Variants in OR4C12 observed in about 807,000 individuals in gnomAD.
OR4C12 encodes olfactory receptor family 4 subfamily C member 12.
Under a neutral mutation model 12.3 loss-of-function variants are expected in OR4C12, and 11 were observed. That is an observed-to-expected ratio of 0.89 (90% confidence interval 0.56 to 1.48). The LOEUF is 1.48. Among genes scored for constraint, OR4C12 ranks in the 40% most tolerant of loss-of-function variants. OR4C12 has a pLI of 0.00. For synonymous variants in OR4C12, 138 were observed against 133.2 expected (o/e 1.04, Z -0.25); for missense variants, 414 against 365.8 (o/e 1.13, Z -1.08).
rs1555020336 is a variant in OR4C12 at position 49,982,410 on chromosome 11, AC to A, written c.91del (p.Val31PhefsTer4). 1 of 1,613,754 alleles carries A rather than the reference AC, an allele frequency of 6.2e-7. No homozygotes were observed. The highest frequency in any genetic ancestry group is 1.7e-5 in the Admixed American group (1 of 59,994). ...GCCTGAAAGTGTTATCATGTAAAGA[AC>A]CAAAAATACTACAAACGTGACTTTC... is the stretch of plus-strand genomic sequence containing the variant. Reference protein sequence around the residue: ...MEKVTFVVFLVLYMITLSGNL... With the variant: ...MEKVTFVVFLXLYMITLSGNL... On this transcript the variant is annotated frameshift_variant, in exon 1 of 1. Transcript: ENST00000335238. LOFTEE classifies it high-confidence loss of function.
rs782713156 is a variant in OR4C12 at position 49,981,560 on chromosome 11, C to T, written c.*12G>A. 2 of 1,510,448 alleles carry T rather than the reference C, an allele frequency of 1.3e-6. No individual in the cohort carries two copies. The highest frequency in any genetic ancestry group is 2.3e-5 in the South Asian group (2 of 87,130). The allele number at this position is 1,510,448 out of a possible 1,614,324, so 93.6% of individuals were successfully genotyped here. A position where few individuals can be genotyped will look rare whatever the true frequency, so the allele number is the denominator to read the frequency against. Reference sequence around the variant, plus strand: ...ACCTATTACCTCTATGTTGAGTGCTCAATGGTCTTATTTAATCATTATCTG... The same window carrying T: ...ACCTATTACCTCTATGTTGAGTGCTTAATGGTCTTATTTAATCATTATCTG... On this transcript the variant is annotated 3_prime_UTR_variant, in exon 1 of 1. Transcript: ENST00000335238.
chr11:49,982,479 G>A lies in OR4C12; in HGVS notation c.23C>T (p.Thr8Ile), dbSNP rs774365305. MEKKKNVTEFILIGLTQN... is the reference protein window; with the variant it reads MEKKKNVIEFILIGLTQN... ...TGTAAGACCTATTAAAATGAATTCA[G>A]TCACATTCTTTTTCTTCTCCATCTA... Residue 8 changes from threonine to isoleucine, a missense_variant, in exon 1 of 1, where the codon ACT becomes ATT. Physicochemically the swap from Thr to Ile is moderately conservative, Grantham distance 89. Coordinates refer to ENST00000335238, the MANE Select transcript of OR4C12 (RefSeq NM_001005270.4). The A allele has an allele frequency of 6.2e-7, 1 of 1,605,506 alleles. No homozygotes were observed. The highest frequency in any genetic ancestry group is 2.2e-5 in the East Asian group (1 of 44,824).
At position 49,981,825 on chromosome 11, in the gene OR4C12, T is replaced by G; in HGVS notation, c.677A>C (p.Asn226Thr). Residue 226 changes from asparagine to threonine, a missense_variant, in exon 1 of 1, where the codon AAT becomes ACT. Physicochemically the swap from Asn to Thr is moderately conservative, Grantham distance 65. Coordinates refer to ENST00000335238, the MANE Select transcript of OR4C12 (RefSeq NM_001005270.4). ...YVIILRSLKN[N>T]SLEGRCKALS... ...GGCTTTACACCTCCCCTCCAAGCTA[T>G]TGTTCTTTAAAGATCTCAAGATGAT... 1.9e-6 allele frequency: 3 copies of G among 1,613,844 alleles called. No homozygotes were observed. Among genetic ancestry groups the G allele is most frequent in the Non-Finnish European group, 2.5e-6 (3 of 1,179,862 alleles).
At position 49,981,652 on chromosome 11, in the gene OR4C12, C is replaced by A. The variant is rs1197691219; in HGVS notation, c.850G>T (p.Val284Phe). ...ACCTCAGCATTTCTGAGTGTGTAGA[C>A]CACGGGATTTAACATTGGGACCACC... ...TMVVPMLNPV[V>F]YTLRNAEVKS... The change falls in exon 1 of 1, where the codon GTC (valine) becomes TTC (phenylalanine). Residue 284 changes from valine to phenylalanine, a missense_variant. Physicochemically the swap from Val to Phe is conservative, Grantham distance 50. Transcript: ENST00000335238. 1 of 1,613,278 alleles carries A rather than the reference C, an allele frequency of 6.2e-7. No individual in the cohort carries two copies. The highest frequency in any genetic ancestry group is 8.5e-7 in the Non-Finnish European group (1 of 1,179,756).
Position 49,982,298 on chromosome 11 carries a change from G to A in OR4C12, c.204C>T (p.Asp68=), listed in dbSNP as rs768754956. 1.9e-6 allele frequency: 3 copies of A among 1,613,978 alleles called. No individual in the cohort carries two copies. Among genetic ancestry groups the A allele is most frequent in the Non-Finnish European group, 2.5e-6 (3 of 1,179,874 alleles). The change falls in exon 1 of 1, where the codon GAC becomes GAT. Residue 68 remains aspartate (D), a synonymous_variant. Transcript: ENST00000335238. ...GAGCTGAAGAAGAAGAATAAACTGTGTCTATCAAAGAAAGGTGGGTCAGGA... is the reference window on the plus strand; with the variant it reads ...GAGCTGAAGAAGAAGAATAAACTGTATCTATCAAAGAAAGGTGGGTCAGGA... ...YFFLTHLSLI[D]TVYSSSSAPK...
rs114706080 is a variant in OR4C12 at position 49,981,972 on chromosome 11, C to T, written c.530G>A (p.Cys177Tyr). The T allele has an allele frequency of 1.3e-4, 214 of 1,614,088 alleles. 1 individual carries two copies. The African/African-American group carries it at 2.7e-3, about 21-fold the overall frequency. The change falls in exon 1 of 1, where the codon TGT becomes TAT. Residue 177 changes from cysteine to tyrosine, a missense_variant. Coordinates refer to ENST00000335238, the MANE Select transcript of OR4C12 (RefSeq NM_001005270.4). ...CGPNVIGHFM[C>Y]DLYPLLKLVC... ...AAGTTTTAACAATGGGTACAAGTCACACATGAAGTGGCCTATGACATTGGG... is the reference window on the plus strand; with the variant it reads ...AAGTTTTAACAATGGGTACAAGTCATACATGAAGTGGCCTATGACATTGGG...
rs1218914648 is a variant in OR4C12, at chr11:49,981,878, G to A, written c.624C>T (p.Asn208=). The A allele has an allele frequency of 6.2e-7, 1 of 1,613,914 alleles. No homozygotes were observed. Among genetic ancestry groups the A allele is most frequent in the Non-Finnish European group, 8.5e-7 (1 of 1,179,980 alleles). The change falls in exon 1 of 1, where the codon AAC becomes AAT. Residue 208 remains asparagine, a synonymous_variant. Coordinates refer to ENST00000335238, the MANE Select transcript of OR4C12 (RefSeq NM_001005270.4). ...CATAGGATACCACCAAGATAAGGAA[G>A]TTTAATAAGCAGATAAACCCACTGT... The part of the protein sequence containing the change: ...AVNSGFICLL[N]FLILVVSYVI...
Position 49,981,891 on chromosome 11 carries a change from A to AC in OR4C12, c.610_611insG (p.Ile204SerfsTer24), listed in dbSNP as rs1854146746. ...CAAGATAAGGAAGTTTAATAAGCAGATAAACCCACTGTTCACAGCAACAAA... is the reference window on the plus strand; with the variant it reads ...CAAGATAAGGAAGTTTAATAAGCAGACTAAACCCACTGTTCACAGCAACAAA... On this transcript the variant is annotated frameshift_variant, in exon 1 of 1. Coordinates refer to ENST00000335238, the MANE Select transcript of OR4C12 (RefSeq NM_001005270.4). LOFTEE classifies it high-confidence loss of function. 1.9e-6 allele frequency: 3 copies of AC among 1,614,028 alleles called. No individual in the cohort carries two copies. Among genetic ancestry groups the AC allele is most frequent in the Non-Finnish European group, 1.7e-6 (2 of 1,180,010 alleles).
rs781888469 is a variant in OR4C12, at chr11:49,981,641, G to A, written c.861C>T (p.Leu287=). 8.7e-6 allele frequency: 14 copies of A among 1,613,614 alleles called. No homozygotes were observed. Among genetic ancestry groups the A allele is most frequent in the Admixed American group, 3.3e-5 (2 of 59,956 alleles). The change falls in exon 1 of 1, where the codon CTC becomes CTT. Residue 287 remains leucine (L), a synonymous_variant. Transcript: ENST00000335238. ...VPMLNPVVYT[L]RNAEVKSAIR... ...TTGCACTTTTTACCTCAGCATTTCT[G>A]AGTGTGTAGACCACGGGATTTAACA...
chr11:49,982,236 A>C lies in OR4C12; in HGVS notation c.266T>G (p.Ile89Ser), dbSNP rs1555020284. ...AGCCATACACCCATTAAAGGAGATG[A>C]TTTTCTTCTCTTGAAAGGAATCCAC... The part of the protein sequence containing the change: ...LIVDSFQEKK[I>S]ISFNGCMAQA... Residue 89 changes from isoleucine (I) to serine (S), a missense_variant, in exon 1 of 1, where the codon ATC becomes AGC. By Grantham distance (142) the Ile-to-Ser change is moderately radical. Transcript: ENST00000335238. 1.9e-6 allele frequency: 3 copies of C among 1,614,116 alleles called. No homozygotes were observed. Among genetic ancestry groups the C allele is most frequent in the Non-Finnish European group, 2.5e-6 (3 of 1,179,988 alleles).
In OR4C12 at chr11:49,982,491, T is replaced by G; in HGVS notation, c.11A>C (p.Lys4Thr). The G allele has an allele frequency of 6.3e-7, 1 of 1,597,308 alleles. No homozygotes were observed. Among genetic ancestry groups the G allele is most frequent in the Non-Finnish European group, 8.6e-7 (1 of 1,166,852 alleles). The part of the protein sequence containing the change: MEK[K>T]KNVTEFILIG... ...TAAAATGAATTCAGTCACATTCTTT[T>G]TCTTCTCCATCTATGTAGTGTGGGT... The change falls in exon 1 of 1, where the codon AAA (lysine) becomes ACA (threonine). Residue 4 changes from lysine to threonine, a missense_variant. Transcript: ENST00000335238.
Position 49,982,129 on chromosome 11 carries a change from A to C in OR4C12, c.373T>G (p.Cys125Gly). The C allele has an allele frequency of 1.9e-6, 3 of 1,614,170 alleles. No homozygotes were observed. The highest frequency in any genetic ancestry group is 1.6e-4 in the Middle Eastern group (1 of 6,062). The change falls in exon 1 of 1, where the codon TGC becomes GGC. Residue 125 changes from cysteine to glycine, a missense_variant. By Grantham distance (159) the Cys-to-Gly change is radical (BLOSUM62 -3). Transcript: ENST00000335238. ...ATGGTTGTGTAGTTCAGAGGTTTGC[A>C]GATGGCCACATAGCAGTCACAGGCC... The part of the protein sequence containing the change: ...VMACDCYVAI[C>G]KPLNYTTIMS...
In OR4C12 at chr11:49,981,700, C is replaced by A. The variant is rs782056194; in HGVS notation, c.802G>T (p.Ala268Ser). The change falls in exon 1 of 1, where the codon GCT becomes TCT. Residue 268 changes from alanine to serine, a missense_variant. Coordinates refer to ENST00000335238, the MANE Select transcript of OR4C12 (RefSeq NM_001005270.4). The part of the protein sequence containing the change: ...RSVTTLPIDK[A>S]VAVFYTMVVP... ...ACCATAGTATAAAATACAGCAACAG[C>A]TTTATCAATGGGCAGAGTGGTCACT... is the stretch of plus-strand genomic sequence containing the variant. The A allele has an allele frequency of 1.2e-6, 2 of 1,613,714 alleles. No homozygotes were observed. The highest frequency in any genetic ancestry group is 2.2e-5 in the East Asian group (1 of 44,864).
In OR4C12 at chr11:49,981,815, C is replaced by T. The variant is rs150860848; in HGVS notation, c.687G>A (p.Glu229=). 1 of 1,613,364 alleles carries T rather than the reference C, an allele frequency of 6.2e-7. No individual in the cohort carries two copies. Among genetic ancestry groups the T allele is most frequent in the Non-Finnish European group, 8.5e-7 (1 of 1,179,496 alleles). The change falls in exon 1 of 1, where the codon GAG becomes GAA. Residue 229 remains glutamate, a synonymous_variant. Coordinates refer to ENST00000335238, the MANE Select transcript of OR4C12 (RefSeq NM_001005270.4). The part of the protein sequence containing the change: ...ILRSLKNNSL[E]GRCKALSTCI... ...AGGTGGAGAGGGCTTTACACCTCCC[C>T]TCCAAGCTATTGTTCTTTAAAGATC... is the stretch of plus-strand genomic sequence containing the variant.
chr11:49,982,269 T>C lies in OR4C12; in HGVS notation c.233A>G (p.Lys78Arg). 6.2e-7 allele frequency: 1 copy of C among 1,613,916 alleles called. No individual in the cohort carries two copies. The highest frequency in any genetic ancestry group is 8.5e-7 in the Non-Finnish European group (1 of 1,179,856). The part of the protein sequence containing the change: ...DTVYSSSSAP[K>R]LIVDSFQEKK... ...CTCTTGAAAGGAATCCACAATCAAC[T>C]TAGGAGCTGAAGAAGAAGAATAAAC... Residue 78 changes from lysine (K) to arginine (R), a missense_variant, in exon 1 of 1, where the codon AAG (lysine) becomes AGG (arginine). Lys to Arg is a conservative substitution (Grantham distance 26, BLOSUM62 2). Transcript: ENST00000335238.
In OR4C12 at chr11:49,982,457, A is replaced by C. The variant is rs782148502; in HGVS notation, c.45T>G (p.Leu15=). Residue 15 remains leucine (L), a synonymous_variant, in exon 1 of 1, where the codon CTT becomes CTG. Coordinates refer to ENST00000335238, the MANE Select transcript of OR4C12 (RefSeq NM_001005270.4). ...CTTTCTCCATTATGGGGTTCTGTGT[A>C]AGACCTATTAAAATGAATTCAGTCA... is the stretch of plus-strand genomic sequence containing the variant. ...KNVTEFILIG[L]TQNPIMEKVT... 71 of 1,612,684 alleles carry C rather than the reference A, an allele frequency of 4.4e-5. No individual in the cohort carries two copies. Among genetic ancestry groups the C allele is most frequent in the Non-Finnish European group, 2.8e-5 (33 of 1,179,054 alleles).
In OR4C12 at chr11:49,982,395, G is replaced by T. The variant is rs1555020332; in HGVS notation, c.107C>A (p.Thr36Lys). ...FVVFLVLYMI[T>K]LSGNLLIVVT... is the part of the protein sequence containing the mutation. ...CACAATGAGCAGGTTGCCTGAAAGTGTTATCATGTAAAGAACCAAAAATAC... is the reference window on the plus strand; with the variant it reads ...CACAATGAGCAGGTTGCCTGAAAGTTTTATCATGTAAAGAACCAAAAATAC... Residue 36 changes from threonine to lysine, a missense_variant, in exon 1 of 1, where the codon ACA becomes AAA. Transcript: ENST00000335238. 6.2e-7 allele frequency: 1 copy of T among 1,613,762 alleles called. No individual in the cohort carries two copies. The highest frequency in any genetic ancestry group is 2.2e-5 in the East Asian group (1 of 44,880).
In OR4C12 at chr11:49,981,979, A is replaced by G. The variant is rs1265319589; in HGVS notation, c.523T>C (p.Phe175Leu). 6.2e-7 allele frequency: 1 copy of G among 1,614,046 alleles called. No individual in the cohort carries two copies. Among genetic ancestry groups the G allele is most frequent in the Non-Finnish European group, 8.5e-7 (1 of 1,180,020 alleles). The change falls in exon 1 of 1, where the codon TTC (phenylalanine) becomes CTC (leucine). Residue 175 changes from phenylalanine to leucine, a missense_variant. Coordinates refer to ENST00000335238, the MANE Select transcript of OR4C12 (RefSeq NM_001005270.4). ...PFCGPNVIGH[F>L]MCDLYPLLKL... ...AACAATGGGTACAAGTCACACATGA[A>G]GTGGCCTATGACATTGGGGCCACAG...
chr11:49,981,487 C>T lies in OR4C12; in HGVS notation c.*85G>A. 1 of 769,034 alleles carries T rather than the reference C, an allele frequency of 1.3e-6. No homozygotes were observed. Among genetic ancestry groups the T allele is most frequent in the South Asian group, 1.8e-5 (1 of 56,564 alleles). The allele number at this position is 769,034 out of a possible 1,614,324, so 47.6% of individuals were successfully genotyped here. Reference sequence around the variant, plus strand: ...CTGACTATCTGCAAGCATTAGCCAGCCCCTTGTTAGAGTTGACATATTCAT... The same window carrying T: ...CTGACTATCTGCAAGCATTAGCCAGTCCCTTGTTAGAGTTGACATATTCAT... On this transcript the variant is annotated 3_prime_UTR_variant, in exon 1 of 1. Transcript: ENST00000335238.
Sources: gnomAD v4.1 joint callset for allele counts on GRCh38, gnomAD v4.1.1 for gene constraint, MANE v1.5 for transcripts, NCBI Gene and HGNC (gene_info 2026-07-23, HGNC 2026-07-21) for gene names.